ZWILCH: variants seen among roughly 807,000 people sequenced by gnomAD.
ZWILCH encodes protein zwilch homolog.
A neutral mutation model predicts 79.9 loss-of-function variants in ZWILCH; 74 were observed. The ratio of observed to expected loss-of-function variants is 0.93; its 90% CI spans 0.77 to 1.12. The LOEUF (loss-of-function observed/expected upper bound fraction) is 1.12, where lower values mean the gene tolerates loss of function less well. Among genes scored for constraint, ZWILCH ranks in the 50% most tolerant of loss-of-function variants. The pLI is 0.00. For synonymous variants in ZWILCH, 241 were observed against 228.2 expected (o/e 1.06, Z -0.51); for missense variants, 694 against 687.5 (o/e 1.01, Z -0.11).
chr15:66,514,606 G>C (rs1299465873), intron 3 of ZWILCH: 1 of 152,958 alleles, frequency 6.5e-6, no homozygotes, highest in Admixed American at 6.5e-5. Flanking sequence ...ACCACGCCCT[G>C]CTGACTTACT....
At position 66,517,430 on chromosome 15, in the gene ZWILCH, G is replaced by GTGTATATATA; in HGVS notation, c.321-1448_321-1447insGTATATATAT. On this transcript the variant is annotated intron_variant, in intron 4 of 18. Transcript: ENST00000307897. The stretch of plus-strand genomic sequence containing the variant: ...TGTTTGTGTGTGCGTGTGTGTGTGT[G>GTGTATATATA]TATATATATATATATATATATATAT... Among the ~76,000 whole-genome samples, 98 of 66,512 alleles carry GTGTATATATA rather than the reference G, an allele frequency of 1.5e-3. 2 individuals carry two copies. The highest frequency in any genetic ancestry group is 5.6e-3 in the African/African-American group (91 of 16,328). 43.6% of individuals were successfully genotyped at this position (66,512 alleles called of 152,430 possible).
chr15:66,508,954 T>G (rs981959147), intron 2 of ZWILCH, 62 bp downstream of exon 2: 3 of 1,566,008 alleles, frequency 1.9e-6, no homozygotes, highest in African/African-American at 2.7e-5. Context: ...TTTATTTTTA[T>G]TTTGAGACGG....
chr15:66,525,505 C>G (rs1383309935), intron 8 of ZWILCH, among the ~76,000 whole-genome samples: 1 of 152,096 alleles, frequency 6.6e-6, no homozygotes, highest in Non-Finnish European at 1.5e-5. Context: ...TCTTTTCCTC[C>G]TTTGAAGTCT....
Position 66,527,803 on chromosome 15 carries a change from A to G in ZWILCH, c.914-54A>G. On this transcript the variant is annotated intron_variant, in intron 9 of 18. Transcript: ENST00000307897. ...CATTTGAAAATAGGATTAGGATGGAAATAATTTGGAAAGCAGAAAAATCAA... is the reference window on the plus strand; with the variant it reads ...CATTTGAAAATAGGATTAGGATGGAGATAATTTGGAAAGCAGAAAAATCAA... 4.0e-6 allele frequency: 6 copies of G among 1,483,420 alleles called. No homozygotes were observed. In the Middle Eastern group the frequency reaches 6.9e-4, roughly 170 times the overall value. 91.9% of individuals were successfully genotyped at this position (1,483,420 alleles called of 1,614,324 possible).
chr15:66,546,287 G>A (rs1895367692), intron 17 of ZWILCH, among the ~76,000 whole-genome samples: 1 of 152,180 alleles, frequency 6.6e-6, no homozygotes, highest in Admixed American at 6.5e-5. Flanking sequence ...AGAAAAGACA[G>A]TTGTGTAACC....
At chr15:66,524,188 C>T (rs899360504) in intron 8 of ZWILCH, among the ~76,000 whole-genome samples, 35 of 151,896 alleles carry the variant, frequency 2.3e-4, no homozygotes, top group African/African-American at 8.5e-4. Context: ...TGTATATTTA[C>T]CTTTTGAGGA....
intron 11 of ZWILCH, 66 bp downstream of exon 11, chr15:66,529,023 A>AATT: frequency 7.8e-7 from 1 of 1,288,336 alleles, no homozygotes; most frequent in Non-Finnish European, 1.1e-6. Flanking sequence ...GTCTTTTGGA[A>AATT]ATAATACAGT....
chr15:66,519,265 A>G (rs1041362857), intron 5 of ZWILCH, 187 bp downstream of exon 5: 2 of 598,996 alleles, frequency 3.3e-6, no homozygotes, highest in Admixed American at 3.1e-5. Context: ...AACACCAGAA[A>G]CAGATCTCCA....
At chr15:66,519,266 C>G (rs1190674870) in intron 5 of ZWILCH, 188 bp downstream of exon 5, 9 of 598,406 alleles carry the variant, frequency 1.5e-5, no homozygotes, top group Non-Finnish European at 2.1e-5. Context: ...ACACCAGAAA[C>G]AGATCTCCAA....
chr15:66,544,724 T>TTCTGTGTGTGTGTG (rs145952622), intron 17 of ZWILCH, among the ~76,000 whole-genome samples: 6 of 128,490 alleles, frequency 4.7e-5, no homozygotes, highest in Non-Finnish European at 9.5e-5. Flanking sequence ...TTTTTGGTTT[T>TTCTGTGTGTGTGTG]TGTGTGTGTG....
Position 66,546,589 on chromosome 15 carries a change from A to G in ZWILCH, c.1688-2A>G. The G allele has an allele frequency of 6.2e-7, 1 of 1,601,680 alleles. No homozygotes were observed. Among genetic ancestry groups the G allele is most frequent in the South Asian group, 1.1e-5 (1 of 89,220 alleles). ...CTGATCTCACTCTCTTTTTGATTACAGATTTTTCGGAATTAACACTAAACG... is the reference window on the plus strand; with the variant it reads ...CTGATCTCACTCTCTTTTTGATTACGGATTTTTCGGAATTAACACTAAACG... On this transcript the variant is annotated splice_acceptor_variant, in intron 17 of 18. Coordinates refer to ENST00000307897, the MANE Select transcript of ZWILCH (RefSeq NM_017975.5). LOFTEE classifies it high-confidence loss of function.
At chr15:66,532,766 A>G (rs952165824) in intron 13 of ZWILCH, among the ~76,000 whole-genome samples, 3 of 151,954 alleles carry the variant, frequency 2.0e-5, no homozygotes, top group Non-Finnish European at 2.9e-5. Context: ...AAATATTAGT[A>G]TATATTTATG....
intron 17 of ZWILCH, among the ~76,000 whole-genome samples, chr15:66,541,095 A>G (rs546204352): frequency 6.6e-6 from 1 of 150,866 alleles, no homozygotes; most frequent in African/African-American, 2.4e-5. Flanking sequence ...CCTGGGCAAC[A>G]TGGAGAAACC....
intron 15 of ZWILCH, 147 bp from the exon 16 acceptor site, chr15:66,537,021 G>A: frequency 2.2e-6 from 1 of 447,022 alleles, no homozygotes. Flanking sequence ...GTGTTTGTTT[G>A]TTTACTTTTG....
chr15:66,547,566 C>T (rs1029804354), intron 18 of ZWILCH: 13 of 151,768 alleles, frequency 8.6e-5, no homozygotes, highest in Admixed American at 3.3e-4. Context: ...ATAAAAAAGA[C>T]GATATTGAGT....
Position 66,528,840 on chromosome 15 carries a change from C to T in ZWILCH, c.970-12C>T, listed in dbSNP as rs868671097. The T allele has an allele frequency of 6.2e-7, 1 of 1,611,394 alleles. No homozygotes were observed. The highest frequency in any genetic ancestry group is 1.7e-4 in the Middle Eastern group (1 of 6,054). ...AAAACTGAGTATTCTCTGAAGGTTG[C>T]TTCTTTTTCAGACCTTGAAGCATGA... On this transcript the variant is annotated splice_polypyrimidine_tract_variant and intron_variant, in intron 10 of 18. Transcript: ENST00000307897.
At chr15:66,542,148 G>C (rs1895209721) in intron 17 of ZWILCH, among the ~76,000 whole-genome samples, 1 of 152,132 alleles carries the variant, frequency 6.6e-6, no homozygotes, top group Non-Finnish European at 1.5e-5. Context: ...TTATAAACTA[G>C]GAAAAGAAAT....
At chr15:66,542,818 T>C (rs1895236120) in intron 17 of ZWILCH, among the ~76,000 whole-genome samples, 1 of 152,002 alleles carries the variant, frequency 6.6e-6, no homozygotes, top group African/African-American at 2.4e-5. Flanking sequence ...CATAGCGAGA[T>C]TCCATCTCTA....
intron 5 of ZWILCH, 55 bp from the exon 6 acceptor site, chr15:66,520,535 C>A: frequency 1.1e-6 from 1 of 901,300 alleles, no homozygotes; most frequent in South Asian, 1.4e-5. Context: ...TTTTGTAGCT[C>A]TGACAATGTA....
Sources: allele counts gnomAD v4.1 joint callset (sites outside exome capture counted in the v4.1 genomes callset), GRCh38; gene constraint gnomAD v4.1.1; transcripts MANE v1.5; gene names NCBI Gene and HGNC (gene_info 2026-07-23, HGNC 2026-07-21).